DRC11: variants seen among roughly 807,000 people sequenced by gnomAD.
The protein encoded by DRC11 is IQ and AAA domain-containing protein 1.
chr2:236,487,012 T>C, the DRC11 span: 1 of 743,410 alleles, frequency 1.3e-6, no homozygotes, highest in Non-Finnish European at 2.3e-6. Flanking sequence ...AATCCTAAGC[T>C]CTAGGCTGTC....
chr2:236,309,779 T>A, the DRC11 span, among the ~76,000 whole-genome samples: 10 of 149,714 alleles, frequency 6.7e-5, no homozygotes, highest in African/African-American at 2.5e-4. This position sits in a 1 kb window ranked among gnomAD's most constrained non-coding sequence, Gnocchi z 5.7. Flanking sequence ...GGTGTCCCTT[T>A]CAACTGGACC....
At chr2:236,413,769 T>C in the DRC11 span, among the ~76,000 whole-genome samples, 1 of 152,270 alleles carries the variant, frequency 6.6e-6, no homozygotes, top group African/African-American at 2.4e-5. The surrounding 1 kb of genome is among the most constrained non-coding windows in gnomAD (Gnocchi z 4.0). Context: ...GATCATGTTA[T>C]GACAGGTCAA....
chr2:236,352,174 G>A, the DRC11 span, among the ~76,000 whole-genome samples: 1,002 of 152,132 alleles, frequency 6.6e-3, 14 homozygotes, highest in Non-Finnish European at 9.4e-3. This position sits in a 1 kb window ranked among gnomAD's most constrained non-coding sequence, Gnocchi z 7.0. Context: ...AGCTAGCCTC[G>A]AAGCCAGGGG....
chr2:236,341,985 A>G, the DRC11 span, among the ~76,000 whole-genome samples: 1 of 152,188 alleles, frequency 6.6e-6, no homozygotes, highest in South Asian at 2.1e-4. Context: ...TGTCCGCAAC[A>G]GTGTCCCTGC....
chr2:236,490,131 G>A, the DRC11 span, among the ~76,000 whole-genome samples: 1 of 152,152 alleles, frequency 6.6e-6, no homozygotes, highest in South Asian at 2.1e-4. This position sits in a 1 kb window ranked among gnomAD's most constrained non-coding sequence, Gnocchi z 5.5. Context: ...GGCACAGGAA[G>A]GAGTGAGAAG....
the DRC11 span, among the ~76,000 whole-genome samples, chr2:236,342,705 GCTGGGGGTGGAAATA>G: frequency 2.0e-5 from 3 of 152,234 alleles, no homozygotes; most frequent in African/African-American, 7.2e-5. This position sits in a 1 kb window ranked among gnomAD's most constrained non-coding sequence, Gnocchi z 5.8. Context: ...CAGCATTGGA[GCTGGGGGTGGAAATA>G]CTGGGGGTGG....
the DRC11 span, among the ~76,000 whole-genome samples, chr2:236,478,004 T>TG: frequency 7.8e-6 from 1 of 128,074 alleles, no homozygotes; most frequent in African/African-American, 3.0e-5. This position sits in a 1 kb window ranked among gnomAD's most constrained non-coding sequence, Gnocchi z 5.9. Flanking sequence ...GTTTTGTTGA[T>TG]TTGTGTGTGT....
chr2:236,388,067 C>A, the DRC11 span, among the ~76,000 whole-genome samples: 4 of 152,036 alleles, frequency 2.6e-5, no homozygotes, highest in Non-Finnish European at 5.9e-5. Context: ...GAGGGTAACC[C>A]GACCTTTCTC....
chr2:236,459,465 T>C, the DRC11 span, among the ~76,000 whole-genome samples: 1 of 149,306 alleles, frequency 6.7e-6, no homozygotes, highest in African/African-American at 2.4e-5. Context: ...AAAGAATTCC[T>C]AAAACTGTAA....
the DRC11 span, among the ~76,000 whole-genome samples, chr2:236,308,522 G>C: frequency 6.6e-6 from 1 of 152,216 alleles, no homozygotes; most frequent in Admixed American, 6.5e-5. This position sits in a 1 kb window ranked among gnomAD's most constrained non-coding sequence, Gnocchi z 6.0. Flanking sequence ...GGGCAGCTGT[G>C]GCAGCTCACG....
chr2:236,389,485 C>A, the DRC11 span, among the ~76,000 whole-genome samples: 2 of 152,248 alleles, frequency 1.3e-5, no homozygotes, highest in Non-Finnish European at 2.9e-5. Flanking sequence ...ACCCCTTGCG[C>A]TTCCCGAGTG....
the DRC11 span, among the ~76,000 whole-genome samples, chr2:236,416,598 G>C: frequency 1.3e-5 from 2 of 151,090 alleles, no homozygotes; most frequent in East Asian, 2.0e-4. Context: ...GAACCACTGC[G>C]GGTCACAGTG....
the DRC11 span, among the ~76,000 whole-genome samples, chr2:236,357,467 AT>A: frequency 2.6e-4 from 33 of 126,718 alleles, no homozygotes; most frequent in South Asian, 1.9e-3. Flanking sequence ...ATATTTACAT[AT>A]TACATGTATA....
At chr2:236,328,222 C>T in the DRC11 span, among the ~76,000 whole-genome samples, 1 of 152,074 alleles carries the variant, frequency 6.6e-6, no homozygotes, top group African/African-American at 2.4e-5. The surrounding 1 kb of genome is among the most constrained non-coding windows in gnomAD (Gnocchi z 6.7). Flanking sequence ...TGTAGGAATC[C>T]TATGTACCCT....
the DRC11 span, among the ~76,000 whole-genome samples, chr2:236,311,922 TCTC>T: frequency 6.6e-6 from 1 of 152,038 alleles, no homozygotes; most frequent in South Asian, 2.1e-4. This position sits in a 1 kb window ranked among gnomAD's most constrained non-coding sequence, Gnocchi z 6.9. Context: ...TCCTATTTCT[TCTC>T]CTCTAGTGTT....
chr2:236,491,198 A>G, the DRC11 span, among the ~76,000 whole-genome samples: 27 of 64,204 alleles, frequency 4.2e-4, no homozygotes, highest in African/African-American at 1.8e-3. Flanking sequence ...GTATATATAT[A>G]TATATATATA....
chr2:236,439,687 A>G, the DRC11 span, among the ~76,000 whole-genome samples: 2 of 152,164 alleles, frequency 1.3e-5, no homozygotes, highest in Non-Finnish European at 2.9e-5. Context: ...TAAAATATTT[A>G]TCACTTCTTT....
chr2:236,499,918 A>C, the DRC11 span, among the ~76,000 whole-genome samples: 2 of 152,216 alleles, frequency 1.3e-5, no homozygotes, highest in Non-Finnish European at 2.9e-5. This position sits in a 1 kb window ranked among gnomAD's most constrained non-coding sequence, Gnocchi z 4.7. Flanking sequence ...CAGCCCCTCC[A>C]GGCATCCTCT....
the DRC11 span, among the ~76,000 whole-genome samples, chr2:236,357,100 GTATATTATATATCTA>G: frequency 9.2e-6 from 1 of 108,684 alleles, no homozygotes; most frequent in African/African-American, 3.7e-5. Context: ...TTATATATTC[GTATATTATATATCTA>G]TATATTATAT....
Sources: allele counts gnomAD v4.1 joint callset (sites outside exome capture counted in the v4.1 genomes callset), GRCh38; gene constraint gnomAD v4.1.1; non-coding constraint Gnocchi (gnomAD v3.1); transcripts MANE v1.5; gene names NCBI Gene and HGNC (gene_info 2026-07-23, HGNC 2026-07-21).